The following CDH13 variants were observed in gnomAD, a reference collection of about 807,000 sequenced individuals.
CDH13 encodes cadherin-13.
CDH13 carries 24 observed loss-of-function variants against 63.8 expected under a neutral mutation model. The ratio of observed to expected loss-of-function variants is 0.38; its 90% CI spans 0.27 to 0.53. The LOEUF is 0.53. Among genes scored for constraint, CDH13 ranks in the 20% least tolerant of loss-of-function variants. CDH13 has a pLI of 0.85. For missense variants in CDH13, 1,049 were observed against 903.1 expected (o/e 1.16, Z -2.07); for synonymous variants, 503 against 355.3 (o/e 1.42, Z -4.67).
intron 1 of CDH13, among the ~76,000 whole-genome samples, chr16:82,645,793 G>A (rs1485619239): frequency 1.3e-5 from 2 of 152,110 alleles, no homozygotes; most frequent in Non-Finnish European, 2.9e-5. Flanking sequence ...GGGTAAATAC[G>A]CACTTCAACT....
intron 2 of CDH13, among the ~76,000 whole-genome samples, chr16:82,883,249 T>C (rs536792555): frequency 6.6e-6 from 1 of 152,370 alleles, no homozygotes; most frequent in South Asian, 2.1e-4. Flanking sequence ...CATCTCATGA[T>C]CTATTGCTAT....
At chr16:83,769,105 G>A (rs1453245693) in intron 11 of CDH13, among the ~76,000 whole-genome samples, 3 of 152,218 alleles carry the variant, frequency 2.0e-5, no homozygotes, top group Admixed American at 6.5e-5. Flanking sequence ...GGGCTTTGGA[G>A]TGGGCAGAAG....
chr16:83,126,216 A>C (rs1328130601), intron 4 of CDH13, among the ~76,000 whole-genome samples: 1 of 152,176 alleles, frequency 6.6e-6, no homozygotes, highest in Non-Finnish European at 1.5e-5. Context: ...CTTCTGCGGA[A>C]GGGTGCTGCT....
At chr16:83,508,124 AGG>A (rs2074460047) in intron 7 of CDH13, among the ~76,000 whole-genome samples, 1 of 69,972 alleles carries the variant, frequency 1.4e-5, no homozygotes, top group African/African-American at 5.8e-5. Context: ...GAAGGAAGGG[AGG>A]AAGGAAAGGG....
chr16:82,955,888 CTT>C (rs970848945), intron 2 of CDH13, among the ~76,000 whole-genome samples: 11 of 152,188 alleles, frequency 7.2e-5, no homozygotes, highest in African/African-American at 2.4e-4. Flanking sequence ...CAAAGAATGC[CTT>C]AGGTGTTTCC....
intron 3 of CDH13, among the ~76,000 whole-genome samples, chr16:83,102,666 A>G (rs898131922): frequency 6.6e-6 from 1 of 152,124 alleles, no homozygotes; most frequent in African/African-American, 2.4e-5. Flanking sequence ...GGTGGTGAGG[A>G]AGAGGATGTA....
intron 1 of CDH13, among the ~76,000 whole-genome samples, chr16:82,764,945 G>A (rs1036253100): frequency 6.6e-6 from 1 of 151,768 alleles, no homozygotes; most frequent in African/African-American, 2.4e-5. Flanking sequence ...CTCCCGAGTA[G>A]CTGAAACTAC....
rs148541807 is a variant in CDH13 at position 83,112,018 on chromosome 16, T to A, written c.367-13367T>A. ...TTTTCTTATACCCACATAATTTTAG[T>A]AAAACTTTGGAGAAAAAAGTTTCCA... On this transcript the variant is annotated intron_variant, in intron 3 of 13. Coordinates refer to ENST00000567109, the MANE Select transcript of CDH13 (RefSeq NM_001257.5). 3.3e-5 allele frequency among the ~76,000 whole-genome samples: 5 copies of A among 152,342 alleles called. No individual in the cohort carries two copies. The East Asian group carries it at 9.6e-4, about 29-fold the overall frequency.
chr16:82,701,039 T>C (rs62036340), intron 1 of CDH13, among the ~76,000 whole-genome samples: 6,317 of 140,808 alleles, frequency 0.045, 195 homozygotes, highest in South Asian at 0.11. Flanking sequence ...AAAAGCAAAC[T>C]TCTTATCTCC....
At chr16:82,676,340 C>T (rs897927260) in intron 1 of CDH13, among the ~76,000 whole-genome samples, 1 of 152,180 alleles carries the variant, frequency 6.6e-6, no homozygotes, top group Non-Finnish European at 1.5e-5. Context: ...CTACCTCATT[C>T]TGTGGCACCA....
intron 1 of CDH13, among the ~76,000 whole-genome samples, chr16:82,650,275 T>C (rs1316927116): frequency 2.0e-5 from 3 of 152,162 alleles, no homozygotes; most frequent in Admixed American, 2.0e-4. Flanking sequence ...AAACAGAGGC[T>C]GTTCAATAAA....
intron 6 of CDH13, among the ~76,000 whole-genome samples, chr16:83,360,066 G>A (rs1381532467): frequency 2.0e-5 from 3 of 152,178 alleles, no homozygotes; most frequent in African/African-American, 7.2e-5. Context: ...TTTACTTAGC[G>A]TGTTGTTCAG....
chr16:82,653,944 C>G (rs1192942184), intron 1 of CDH13, among the ~76,000 whole-genome samples: 1 of 152,080 alleles, frequency 6.6e-6, no homozygotes, highest in Non-Finnish European at 1.5e-5. Context: ...ACAGATAAGA[C>G]TTGCTAATTA....
intron 6 of CDH13, among the ~76,000 whole-genome samples, chr16:83,435,849 G>A (rs2072282330): frequency 6.6e-6 from 1 of 152,190 alleles, no homozygotes; most frequent in Non-Finnish European, 1.5e-5. Flanking sequence ...TTGTATTGCA[G>A]ACTCCGCTGT....
intron 6 of CDH13, among the ~76,000 whole-genome samples, chr16:83,383,680 T>A (rs1304821486): frequency 6.6e-6 from 1 of 152,236 alleles, no homozygotes; most frequent in Non-Finnish European, 1.5e-5. Flanking sequence ...TTAAATTGTG[T>A]CATATTTGGC....
At chr16:82,672,721 G>A (rs1913399478) in intron 1 of CDH13, among the ~76,000 whole-genome samples, 1 of 150,796 alleles carries the variant, frequency 6.6e-6, no homozygotes, top group East Asian at 1.9e-4. Flanking sequence ...TGACTTTCTT[G>A]GAGGTGGGGA....
intron 5 of CDH13, among the ~76,000 whole-genome samples, chr16:83,323,801 C>G (rs1246564532): frequency 6.6e-6 from 1 of 152,178 alleles, no homozygotes; most frequent in East Asian, 1.9e-4. Flanking sequence ...ACAGTTTCCT[C>G]TTGTTCCTCT....
chr16:83,680,777 G>A (rs1179916045), intron 10 of CDH13, among the ~76,000 whole-genome samples: 1 of 152,028 alleles, frequency 6.6e-6, no homozygotes, highest in Non-Finnish European at 1.5e-5. Context: ...CCAACTCACA[G>A]TGACTTATGC....
At chr16:83,114,025 C>G (rs902494206) in intron 3 of CDH13, among the ~76,000 whole-genome samples, 3 of 152,166 alleles carry the variant, frequency 2.0e-5, no homozygotes, top group African/African-American at 7.2e-5. Flanking sequence ...GGAGTTAACT[C>G]TCCAATTTCA....
Sources: allele counts gnomAD v4.1 joint callset (sites outside exome capture counted in the v4.1 genomes callset), GRCh38; gene constraint gnomAD v4.1.1; transcripts MANE v1.5; gene names NCBI Gene and HGNC (gene_info 2026-07-23, HGNC 2026-07-21).